FAT3: variants seen among roughly 807,000 people sequenced by gnomAD.
FAT3 encodes protocadherin Fat 3.
In FAT3, 95 loss-of-function variants were observed where a neutral mutation model predicts 310.2. That is an observed-to-expected ratio of 0.31 (90% CI 0.26 to 0.36). The LOEUF is 0.36. Ranked by LOEUF, FAT3 falls within the 10% of genes least tolerant of loss-of-function variation. FAT3 has a pLI of 1.00. For missense variants in FAT3, 5,408 were observed against 5,715.6 expected (o/e 0.95, Z 1.74); for synonymous variants, 2,314 against 2,192.9 (o/e 1.06, Z -1.54).
At chr11:92,836,202 C>A (rs1948402896) in intron 15 of FAT3, among the ~76,000 whole-genome samples, 1 of 152,076 alleles carries the variant, frequency 6.6e-6, no homozygotes, top group African/African-American at 2.4e-5. Flanking sequence ...CTAGAGAATC[C>A]CTCACTCAAT....
At chr11:92,412,734 T>TACACAC (rs780704070) in intron 2 of FAT3, among the ~76,000 whole-genome samples, 15 of 11,882 alleles carry the variant, frequency 1.3e-3, no homozygotes, top group Non-Finnish European at 2.9e-3. Flanking sequence ...TATATATATA[T>TACACAC]ATATATATAT....
chr11:92,739,425 A>G (rs1945443745), intron 4 of FAT3, among the ~76,000 whole-genome samples: 2 of 152,176 alleles, frequency 1.3e-5, no homozygotes, highest in Admixed American at 1.3e-4. Context: ...CTTAAAGCCT[A>G]TTCAAGTATC....
intron 2 of FAT3, among the ~76,000 whole-genome samples, chr11:92,447,353 A>T (rs1416101909): frequency 6.6e-6 from 1 of 151,778 alleles, no homozygotes; most frequent in African/African-American, 2.4e-5. Flanking sequence ...GAAGTTACTT[A>T]ATCTGCTGGA....
At chr11:92,534,087 C>T (rs567637984) in intron 3 of FAT3, among the ~76,000 whole-genome samples, 33 of 152,224 alleles carry the variant, frequency 2.2e-4, no homozygotes, top group South Asian at 1.9e-3. Context: ...AACCACTGCC[C>T]GCCTCTCTCC....
chr11:92,399,682 A>G (rs1949966357), intron 2 of FAT3, among the ~76,000 whole-genome samples: 1 of 152,094 alleles, frequency 6.6e-6, no homozygotes, highest in Non-Finnish European at 1.5e-5. Context: ...ATGGGTTCGT[A>G]TTTTACAGAG....
chr11:92,506,594 A>G (rs2135292124), intron 2 of FAT3, among the ~76,000 whole-genome samples: 1 of 152,318 alleles, frequency 6.6e-6, no homozygotes, highest in East Asian at 1.9e-4. Context: ...GAATTTTCAC[A>G]GAAGTCCAGA....
At chr11:92,793,262 C>G (rs1236060408) in intron 9 of FAT3, among the ~76,000 whole-genome samples, 4 of 152,230 alleles carry the variant, frequency 2.6e-5, no homozygotes, top group Non-Finnish European at 5.9e-5. Context: ...AATTTAGTGG[C>G]TTTTACCTGT....
At chr11:92,682,997 G>A (rs1271170457) in intron 3 of FAT3, among the ~76,000 whole-genome samples, 2 of 151,566 alleles carry the variant, frequency 1.3e-5, no homozygotes, top group African/African-American at 4.9e-5. Flanking sequence ...AGAATTGCTT[G>A]AACCCAGGAG....
chr11:92,322,169 A>G lies in FAT3; in HGVS notation c.-17-29927A>G, dbSNP rs148432432. ...GTTCAGGTCCAGACTACCACAATAA[A>G]GTGAAAATAGAAATAAAGCAAATCA... On this transcript the variant is annotated intron_variant, in intron 1 of 27. Transcript: ENST00000525166. Among the ~76,000 whole-genome samples the G allele has an allele frequency of 5.4e-4, 83 of 152,340 alleles. 1 individual carries two copies. In the East Asian group the frequency reaches 0.014, roughly 26 times the overall value.
intron 13 of FAT3, among the ~76,000 whole-genome samples, chr11:92,822,017 T>C (rs780989017): frequency 3.9e-5 from 6 of 152,208 alleles, no homozygotes; most frequent in Non-Finnish European, 8.8e-5. Context: ...CTGGACATTT[T>C]TTTTTTCTCT....
chr11:92,509,294 A>G (rs955025180), intron 2 of FAT3, among the ~76,000 whole-genome samples: 2 of 152,186 alleles, frequency 1.3e-5, no homozygotes, highest in African/African-American at 2.4e-5. Context: ...CTGGAAGGCA[A>G]TTTAGTCAAA....
chr11:92,888,221 C>G (rs1227981568), intron 25 of FAT3, among the ~76,000 whole-genome samples: 1 of 152,184 alleles, frequency 6.6e-6, no homozygotes, highest in African/African-American at 2.4e-5. Context: ...CAACAAATCA[C>G]CTAACAGTGG....
intron 2 of FAT3, among the ~76,000 whole-genome samples, chr11:92,392,629 G>A (rs1430640295): frequency 6.6e-6 from 1 of 152,148 alleles, no homozygotes; most frequent in Non-Finnish European, 1.5e-5. Context: ...CACTACATTG[G>A]ATAGCTTATC....
At chr11:92,662,467 A>G (rs1591579308) in intron 3 of FAT3, among the ~76,000 whole-genome samples, 1 of 152,180 alleles carries the variant, frequency 6.6e-6, no homozygotes, top group African/African-American at 2.4e-5. Flanking sequence ...TTTTCCTGGA[A>G]GATATTAAAC....
intron 2 of FAT3, among the ~76,000 whole-genome samples, chr11:92,365,305 G>T (rs1272300127): frequency 2.6e-5 from 4 of 151,932 alleles, no homozygotes; most frequent in Non-Finnish European, 2.9e-5. Context: ...TAAGATAAAA[G>T]TTTGAGGTAC....
At chr11:92,409,031 G>T (rs570343468) in intron 2 of FAT3, among the ~76,000 whole-genome samples, 1 of 151,972 alleles carries the variant, frequency 6.6e-6, no homozygotes, top group Non-Finnish European at 1.5e-5. Flanking sequence ...TAAACATTAC[G>T]TATAGAAGTG....
chr11:92,751,966 A>C (rs981944384), intron 4 of FAT3, among the ~76,000 whole-genome samples: 1 of 152,026 alleles, frequency 6.6e-6, no homozygotes, highest in Non-Finnish European at 1.5e-5. Context: ...AAAAGTGACA[A>C]TCGTAGGTAA....
intron 4 of FAT3, among the ~76,000 whole-genome samples, chr11:92,714,024 A>ACT (rs10681930): frequency 0.57 from 87,133 of 151,802 alleles, 26,766 homozygotes; most frequent in African/African-American, 0.81. Context: ...AAAAGAGGAG[A>ACT]CTCTCTAACA....
intron 3 of FAT3, among the ~76,000 whole-genome samples, chr11:92,601,184 A>C (rs1361625183): frequency 6.6e-6 from 1 of 151,376 alleles, no homozygotes; most frequent in African/African-American, 2.4e-5. Context: ...CTGCTATGGG[A>C]GGAGGAAGTG....
Sources: gnomAD v4.1 joint callset for allele counts (sites outside exome capture counted in the v4.1 genomes callset) on GRCh38, gnomAD v4.1.1 for gene constraint, MANE v1.5 for transcripts, NCBI Gene and HGNC (gene_info 2026-07-23, HGNC 2026-07-21) for gene names.